The following EXOC2 variants were observed in gnomAD, a reference collection of about 807,000 sequenced individuals.
EXOC2 encodes SEC5-like 1.
In EXOC2, 70 loss-of-function variants were observed where a neutral mutation model predicts 131.8. The ratio of observed to expected loss-of-function variants is 0.53; its 90% CI spans 0.44 to 0.65. The LOEUF (loss-of-function observed/expected upper bound fraction) is 0.65. EXOC2 is among the 30% of genes least tolerant of loss of function. The probability of loss-of-function intolerance (pLI) is 0.00; values close to 1 mark genes in which losing one functional copy is unlikely to be tolerated. For missense variants in EXOC2, 923 were observed against 1,108.6 expected (o/e 0.83, Z 2.38); for synonymous variants, 411 against 398.4 (o/e 1.03, Z -0.38).
chr6:573,090 C>T (rs1758375768), intron 12 of EXOC2, among the ~76,000 whole-genome samples: 1 of 152,244 alleles, frequency 6.6e-6, no homozygotes, highest in Non-Finnish European at 1.5e-5. Flanking sequence ...TGCCATCATA[C>T]ACCCTGGGAA....
intron 1 of EXOC2, among the ~76,000 whole-genome samples, chr6:658,630 ATATATATATATATTT>A (rs201761851): frequency 7.9e-6 from 1 of 126,608 alleles, no homozygotes; most frequent in African/African-American, 3.1e-5. Flanking sequence ...GATATTTAAA[ATATATATATATATTT>A]TATATATATA....
intron 27 of EXOC2, among the ~76,000 whole-genome samples, chr6:487,398 C>T (rs376898046): frequency 2.6e-5 from 4 of 152,086 alleles, no homozygotes; most frequent in African/African-American, 9.7e-5. Context: ...TGATGTGATA[C>T]AGTCATCTAA....
intron 10 of EXOC2, 113 bp downstream of exon 10, chr6:597,907 CT>C (rs1759907150): frequency 1.4e-6 from 1 of 698,258 alleles, no homozygotes; most frequent in Non-Finnish European, 2.4e-6. Flanking sequence ...TTGTCTTCCC[CT>C]TCACCATTTC....
intron 11 of EXOC2, 74 bp from the exon 12 acceptor site, chr6:576,956 T>C: frequency 2.1e-6 from 3 of 1,407,858 alleles, no homozygotes; most frequent in Non-Finnish European, 2.9e-6. Context: ...TTTAATGGTC[T>C]GCTTCTCTGA....
intron 2 of EXOC2, among the ~76,000 whole-genome samples, chr6:633,724 A>G (rs2127709355): frequency 6.6e-6 from 1 of 152,318 alleles, no homozygotes; most frequent in South Asian, 2.1e-4. Flanking sequence ...AGCTGCTGGC[A>G]TAGTAGTTCC....
intron 23 of EXOC2, among the ~76,000 whole-genome samples, chr6:523,634 G>C (rs976240458): frequency 5.3e-5 from 8 of 152,226 alleles, no homozygotes; most frequent in Non-Finnish European, 7.3e-5. Flanking sequence ...ACAGGGCAAT[G>C]AATGTATGGT....
At chr6:624,814 G>C (rs967743764) in intron 4 of EXOC2, among the ~76,000 whole-genome samples, 1 of 152,212 alleles carries the variant, frequency 6.6e-6, no homozygotes, top group Non-Finnish European at 1.5e-5. Flanking sequence ...AATGAAGCAC[G>C]GAGTAAAAAC....
At chr6:618,746 C>CT (rs1761138598) in intron 5 of EXOC2, among the ~76,000 whole-genome samples, 1 of 152,148 alleles carries the variant, frequency 6.6e-6, no homozygotes, top group Non-Finnish European at 1.5e-5. Context: ...TCTAGTAATG[C>CT]TTTTCACCCT....
intron 1 of EXOC2, among the ~76,000 whole-genome samples, chr6:690,406 C>T (rs189534198): frequency 6.4e-4 from 97 of 152,248 alleles, no homozygotes; most frequent in African/African-American, 1.4e-3. Context: ...TGTCACCCAT[C>T]GCTTTAAGAT....
At chr6:513,427 C>T (rs967078832) in intron 23 of EXOC2, among the ~76,000 whole-genome samples, 2 of 152,240 alleles carry the variant, frequency 1.3e-5, no homozygotes, top group African/African-American at 4.8e-5. Context: ...AGTCCAAGCA[C>T]ACACACCAAT....
intron 22 of EXOC2, among the ~76,000 whole-genome samples, chr6:535,673 A>T (rs1766400621): frequency 6.6e-6 from 1 of 152,232 alleles, no homozygotes; most frequent in Non-Finnish European, 1.5e-5. Context: ...CAAGGACTTG[A>T]CAATGAGAAC....
Position 646,673 on chromosome 6 carries a change from A to G in EXOC2, c.-43-8812T>C, listed in dbSNP as rs577890994. Among the ~76,000 whole-genome samples, 6 of 152,346 alleles carry G rather than the reference A, an allele frequency of 3.9e-5. No homozygotes were observed. The East Asian group carries it at 1.2e-3, about 29-fold the overall frequency. On this transcript the variant is annotated intron_variant, in intron 1 of 27. Coordinates refer to ENST00000230449, the MANE Select transcript of EXOC2 (RefSeq NM_018303.6). ...GCACAAATAAGCAATGAATAAACTG[A>G]TATTACATAAAGATACTAGGTAATT...
Position 486,640 on chromosome 6 carries a change from T to C in EXOC2, c.*31A>G, listed in dbSNP as rs761286713. 1 of 1,582,046 alleles carries C rather than the reference T, an allele frequency of 6.3e-7. No individual in the cohort carries two copies. The highest frequency in any genetic ancestry group is 1.1e-5 in the South Asian group (1 of 90,438). On this transcript the variant is annotated 3_prime_UTR_variant, in exon 28 of 28. Coordinates refer to ENST00000230449, the MANE Select transcript of EXOC2 (RefSeq NM_018303.6). ...GAGTGAACAGTCTTATTACGTGTTA[T>C]TTTCCTGGACTTCTTTTATGTGGCA...
intron 3 of EXOC2, 92 bp downstream of exon 3, chr6:632,849 G>T: frequency 8.3e-7 from 1 of 1,208,954 alleles, no homozygotes; most frequent in Non-Finnish European, 1.2e-6. Context: ...TATGCAAGTA[G>T]GTAGGTTTTA....
chr6:600,591 T>A (rs2127644224), intron 7 of EXOC2, among the ~76,000 whole-genome samples: 2 of 152,290 alleles, frequency 1.3e-5, no homozygotes, highest in Admixed American at 1.3e-4. Context: ...TATTAGTTTT[T>A]AGTATAATGA....
intron 1 of EXOC2, among the ~76,000 whole-genome samples, chr6:651,861 G>A (rs937770333): frequency 6.6e-6 from 1 of 151,710 alleles, no homozygotes; most frequent in Non-Finnish European, 1.5e-5. Flanking sequence ...TTCGAGACCA[G>A]TCTGATGAAC....
intron 1 of EXOC2, among the ~76,000 whole-genome samples, chr6:649,872 A>G (rs1003630408): frequency 6.6e-6 from 1 of 152,248 alleles, no homozygotes; most frequent in Non-Finnish European, 1.5e-5. Flanking sequence ...ACAGTGAAAC[A>G]TAAAAGGCAT....
chr6:684,873 T>C (rs1764572016), intron 1 of EXOC2, among the ~76,000 whole-genome samples: 1 of 152,144 alleles, frequency 6.6e-6, no homozygotes, highest in African/African-American at 2.4e-5. Flanking sequence ...TATTTAGTAA[T>C]GAAGAGTTTC....
intron 23 of EXOC2, among the ~76,000 whole-genome samples, chr6:501,166 T>A (rs56661717): frequency 2.8e-4 from 10 of 35,138 alleles, no homozygotes; most frequent in African/African-American, 9.8e-4. Flanking sequence ...TCTATATATA[T>A]TATATATATC....
Sources: gnomAD v4.1 joint callset for allele counts (sites outside exome capture counted in the v4.1 genomes callset) on GRCh38, gnomAD v4.1.1 for gene constraint, MANE v1.5 for transcripts, NCBI Gene and HGNC (gene_info 2026-07-23, HGNC 2026-07-21) for gene names.